Variants in GPATCH2 observed in about 807,000 individuals in gnomAD.
GPATCH2 encodes G-patch domain containing 2.
A neutral mutation model predicts 58.0 loss-of-function variants in GPATCH2; 51 were observed. The ratio of observed to expected loss-of-function variants is 0.88; its 90% confidence interval spans 0.70 to 1.11. The LOEUF (loss-of-function observed/expected upper bound fraction) is 1.11. Among genes scored for constraint, GPATCH2 ranks in the 50% most tolerant of loss-of-function variants. GPATCH2 has a pLI of 0.00. For synonymous variants in GPATCH2, 222 were observed against 218.5 expected, an observed-to-expected ratio of 1.02 and a Z score of -0.14; for missense variants, 625 against 652.2, an observed-to-expected ratio of 0.96 and a Z score of 0.45.
chr1:217,465,213 AAAATTAAAAAAAG>A (rs1336924644), intron 8 of GPATCH2, among the ~76,000 whole-genome samples: 3 of 152,114 alleles, frequency 2.0e-5, no homozygotes, highest in African/African-American at 7.2e-5. Flanking sequence ...TAAAAACTTT[AAAATTAAAAAAAG>A]AAATTAAAAG....
At chr1:217,515,505 C>T (rs1428770447) in intron 5 of GPATCH2, among the ~76,000 whole-genome samples, 1 of 152,028 alleles carries the variant, frequency 6.6e-6, no homozygotes, top group Non-Finnish European at 1.5e-5. Flanking sequence ...GTCAGGAGTT[C>T]GAGACCAGCC....
At chr1:217,571,925 G>C (rs929890164) in intron 5 of GPATCH2, among the ~76,000 whole-genome samples, 3 of 137,600 alleles carry the variant, frequency 2.2e-5, no homozygotes, top group African/African-American at 8.0e-5. Context: ...AAGACAGACA[G>C]ACAAAAGAAG....
chr1:217,451,782 T>A (rs778747493), intron 8 of GPATCH2, among the ~76,000 whole-genome samples: 2 of 152,178 alleles, frequency 1.3e-5, no homozygotes, highest in Non-Finnish European at 2.9e-5. Flanking sequence ...AAAGTGGGAA[T>A]CTGAATTCTG....
rs573913160 is a variant in GPATCH2, at chr1:217,629,966, T to C, written c.56+950A>G. 2.0e-5 allele frequency among the ~76,000 whole-genome samples: 3 copies of C among 152,308 alleles called. No homozygotes were observed. The East Asian group carries it at 5.8e-4, about 29-fold the overall frequency. On this transcript the variant is annotated intron_variant, in intron 1 of 9. Coordinates refer to ENST00000366935, the MANE Select transcript of GPATCH2 (RefSeq NM_018040.5). ...CTACTAGAATTCCTCATGTTCTAAT[T>C]TTTGCAGAATCTAGGAATGAACACG... is the stretch of plus-strand genomic sequence containing the variant.
intron 8 of GPATCH2, among the ~76,000 whole-genome samples, chr1:217,485,521 G>A (rs779877207): frequency 6.7e-6 from 1 of 148,252 alleles, no homozygotes; most frequent in Non-Finnish European, 1.5e-5. Flanking sequence ...TGAAAAGACT[G>A]TCAAACTTTC....
At chr1:217,557,302 G>C (rs1665686113) in intron 5 of GPATCH2, among the ~76,000 whole-genome samples, 1 of 151,302 alleles carries the variant, frequency 6.6e-6, no homozygotes, top group Non-Finnish European at 1.5e-5. Flanking sequence ...AGCTATTCAG[G>C]TAGCTTGGGC....
At chr1:217,437,096 G>T (rs568999388) in intron 9 of GPATCH2, among the ~76,000 whole-genome samples, 1 of 152,288 alleles carries the variant, frequency 6.6e-6, no homozygotes, top group Admixed American at 6.5e-5. Context: ...CAGAAGCAGG[G>T]TGGGGCGGTG....
At chr1:217,585,989 A>T (rs1667321574) in intron 5 of GPATCH2, among the ~76,000 whole-genome samples, 1 of 152,072 alleles carries the variant, frequency 6.6e-6, no homozygotes, top group East Asian at 1.9e-4. Flanking sequence ...GAAAATCTAT[A>T]ATAAAAAATA....
At chr1:217,532,900 G>GTTTTTTTTTTTTTTTT (rs59591091) in intron 5 of GPATCH2, among the ~76,000 whole-genome samples, 2 of 110,860 alleles carry the variant, frequency 1.8e-5, no homozygotes, top group Non-Finnish European at 3.5e-5. Context: ...TTTTTTTTTT[G>GTTTTTTTTTTTTTTTT]TTTTTTTTTT....
intron 5 of GPATCH2, among the ~76,000 whole-genome samples, chr1:217,554,611 CT>C (rs1665531584): frequency 6.6e-6 from 1 of 152,178 alleles, no homozygotes; most frequent in African/African-American, 2.4e-5. Flanking sequence ...AAGGCACATT[CT>C]TTTATTTAAT....
chr1:217,498,038 T>A, intron 7 of GPATCH2: 1 of 437,782 alleles, frequency 2.3e-6, no homozygotes, highest in South Asian at 2.6e-5. Flanking sequence ...TAAGCACATG[T>A]ACTGTTTTGA....
chr1:217,586,427 A>T (rs766098393), intron 5 of GPATCH2, among the ~76,000 whole-genome samples: 3 of 152,102 alleles, frequency 2.0e-5, no homozygotes, highest in East Asian at 3.9e-4. Context: ...ACATTAGCCC[A>T]GTCCTACACA....
At chr1:217,500,114 T>C (rs1462877107) in intron 6 of GPATCH2, among the ~76,000 whole-genome samples, 1 of 152,130 alleles carries the variant, frequency 6.6e-6, no homozygotes, top group Non-Finnish European at 1.5e-5. Flanking sequence ...GCTTTTCTTT[T>C]TGTTTCTCCT....
intron 6 of GPATCH2, among the ~76,000 whole-genome samples, chr1:217,513,013 G>T (rs757410530): frequency 1.8e-4 from 28 of 152,210 alleles, no homozygotes; most frequent in Non-Finnish European, 3.5e-4. Flanking sequence ...CCTTAGGCCA[G>T]GCGCGGTGGC....
chr1:217,489,056 T>C (rs1661592950), intron 8 of GPATCH2, among the ~76,000 whole-genome samples: 2 of 151,834 alleles, frequency 1.3e-5, no homozygotes, highest in South Asian at 4.2e-4. Flanking sequence ...AATTTTATGC[T>C]TTCTATGTAT....
chr1:217,545,692 G>T (rs897002516), intron 5 of GPATCH2, among the ~76,000 whole-genome samples: 5 of 152,092 alleles, frequency 3.3e-5, no homozygotes, highest in Admixed American at 6.6e-5. Context: ...AAGCACAAGT[G>T]GTCAAAAGAA....
chr1:217,623,719 T>C (rs1200468352), intron 1 of GPATCH2, among the ~76,000 whole-genome samples: 2 of 151,502 alleles, frequency 1.3e-5, no homozygotes, highest in Non-Finnish European at 1.5e-5. Context: ...TTGGCCAACA[T>C]GGTGAAACCC....
intron 5 of GPATCH2, among the ~76,000 whole-genome samples, chr1:217,607,563 T>C (rs1220602130): frequency 2.0e-5 from 3 of 152,170 alleles, no homozygotes; most frequent in Non-Finnish European, 4.4e-5. Context: ...AAGTCAACAA[T>C]ATATATTAAA....
intron 5 of GPATCH2, among the ~76,000 whole-genome samples, chr1:217,607,372 G>A (rs114485389): frequency 6.6e-6 from 1 of 151,018 alleles, no homozygotes; most frequent in African/African-American, 2.4e-5. Flanking sequence ...ATTTTTTTTT[G>A]AATTGTTGTG....
Sources: allele counts gnomAD v4.1 joint callset (sites outside exome capture counted in the v4.1 genomes callset), GRCh38; gene constraint gnomAD v4.1.1; transcripts MANE v1.5; gene names NCBI Gene and HGNC (gene_info 2026-07-23, HGNC 2026-07-21).